CCDC178: variants seen among roughly 807,000 people sequenced by gnomAD.
CCDC178 encodes coiled-coil domain containing 178, also known as coiled-coil domain-containing protein 178.
In CCDC178, 126 loss-of-function variants were observed where a neutral mutation model predicts 117.4. The ratio of observed to expected loss-of-function variants is 1.07; its 90% CI spans 0.93 to 1.24. CCDC178 has a LOEUF of 1.24. CCDC178 is among the 50% of genes most tolerant of loss of function. The pLI is 0.00. For synonymous variants in CCDC178, 283 were observed against 313.4 expected, an observed-to-expected ratio of 0.90 and a Z score of 1.02; for missense variants, 1,030 against 986.9, an observed-to-expected ratio of 1.04 and a Z score of -0.59.
intron 20 of CCDC178, among the ~76,000 whole-genome samples, chr18:33,206,169 A>T (rs1033484401): frequency 2.0e-5 from 3 of 152,156 alleles, no homozygotes; most frequent in African/African-American, 4.8e-5. Flanking sequence ...TACATTCCCT[A>T]AATTGTAACT....
intron 2 of CCDC178, among the ~76,000 whole-genome samples, chr18:33,423,144 C>T (rs557257521): frequency 6.6e-6 from 1 of 152,140 alleles, no homozygotes; most frequent in African/African-American, 2.4e-5. Context: ...ATAAAAATAA[C>T]GTTGTACCCT....
At chr18:33,276,887 G>A (rs916137722) in intron 12 of CCDC178, among the ~76,000 whole-genome samples, 7 of 152,062 alleles carry the variant, frequency 4.6e-5, no homozygotes, top group Non-Finnish European at 1.0e-4. Flanking sequence ...AGGCAGAAAA[G>A]ATTCTTGAGA....
At chr18:33,112,219 C>T (rs2145133595) in intron 20 of CCDC178, among the ~76,000 whole-genome samples, 1 of 151,828 alleles carries the variant, frequency 6.6e-6, no homozygotes, top group Middle Eastern at 3.4e-3. Context: ...CGTAAGATGA[C>T]CCCTCTGACC....
At chr18:33,432,521 T>A (rs1034634043) in intron 2 of CCDC178, among the ~76,000 whole-genome samples, 5 of 137,502 alleles carry the variant, frequency 3.6e-5, no homozygotes, top group African/African-American at 1.1e-4. Context: ...ACACACACAC[T>A]AACTGAATAC....
intron 10 of CCDC178, among the ~76,000 whole-genome samples, chr18:33,327,605 A>C (rs561906910): frequency 6.6e-6 from 1 of 152,256 alleles, no homozygotes; most frequent in South Asian, 2.1e-4. Flanking sequence ...TCTCTAGGGC[A>C]TCCTTGTTAC....
At chr18:33,131,885 T>G (rs1339781594) in intron 20 of CCDC178, among the ~76,000 whole-genome samples, 2 of 151,812 alleles carry the variant, frequency 1.3e-5, no homozygotes, top group Non-Finnish European at 3.0e-5. Context: ...CTAAATACAT[T>G]TTATGCCTCC....
intron 7 of CCDC178, among the ~76,000 whole-genome samples, chr18:33,355,192 T>C (rs1268466058): frequency 3.3e-5 from 5 of 152,222 alleles, no homozygotes; most frequent in African/African-American, 4.8e-5. Flanking sequence ...TTGAATATTT[T>C]AATGTGAAAT....
At position 33,098,568 on chromosome 18, in the gene CCDC178, G is replaced by T. The variant is rs573059237; in HGVS notation, c.2239-5658C>A. On this transcript the variant is annotated intron_variant, in intron 20 of 22. Coordinates refer to ENST00000383096, the MANE Select transcript of CCDC178 (RefSeq NM_001105528.4). ...CTTTCTTTCATCTCACCAGAGCTCT[G>T]CCGGCTCTTGCTACCACATCCATAT... 2.0e-5 allele frequency among the ~76,000 whole-genome samples: 3 copies of T among 152,112 alleles called. No homozygotes were observed. In the East Asian group the frequency reaches 5.8e-4, roughly 30 times the overall value.
chr18:33,240,931 T>C (rs1033959613), intron 15 of CCDC178, among the ~76,000 whole-genome samples: 1 of 151,608 alleles, frequency 6.6e-6, no homozygotes, highest in African/African-American at 2.4e-5. Flanking sequence ...TGTATGAAAA[T>C]AGAGGCAATA....
At chr18:33,203,244 A>G (rs2059013135) in intron 20 of CCDC178, among the ~76,000 whole-genome samples, 1 of 152,182 alleles carries the variant, frequency 6.6e-6, no homozygotes, top group South Asian at 2.1e-4. Context: ...TTTCATTTAT[A>G]GACACTCAAT....
intron 21 of CCDC178, among the ~76,000 whole-genome samples, chr18:32,984,972 A>G (rs959954423): frequency 6.6e-6 from 1 of 151,862 alleles, no homozygotes; most frequent in African/African-American, 2.4e-5. Flanking sequence ...TGGTTGAGCA[A>G]TTTTCTCTGA....
chr18:33,062,146 C>T (rs2056933456), intron 21 of CCDC178, among the ~76,000 whole-genome samples: 2 of 152,052 alleles, frequency 1.3e-5, no homozygotes, highest in African/African-American at 4.8e-5. Context: ...TGTGTGTGGA[C>T]ACTATCTATA....
At chr18:33,216,983 T>C (rs2059173922) in intron 18 of CCDC178, among the ~76,000 whole-genome samples, 1 of 152,056 alleles carries the variant, frequency 6.6e-6, no homozygotes, top group African/African-American at 2.4e-5. Context: ...GATTTCATCA[T>C]TCATTTCTTA....
intron 10 of CCDC178, among the ~76,000 whole-genome samples, chr18:33,325,172 G>A (rs2062567653): frequency 1.3e-5 from 2 of 151,864 alleles, no homozygotes; most frequent in South Asian, 4.1e-4. Context: ...GATTAATATG[G>A]ATGCTTGTGT....
At chr18:33,162,090 C>T (rs1447329130) in intron 20 of CCDC178, among the ~76,000 whole-genome samples, 1 of 152,052 alleles carries the variant, frequency 6.6e-6, no homozygotes, top group Non-Finnish European at 1.5e-5. Flanking sequence ...GGACAGAAAA[C>T]CAAACACCGC....
chr18:33,378,452 T>C (rs780753146), intron 5 of CCDC178, among the ~76,000 whole-genome samples: 2 of 152,170 alleles, frequency 1.3e-5, no homozygotes, highest in Non-Finnish European at 2.9e-5. Context: ...ACCTGATTGC[T>C]ATGGCAAGGA....
chr18:33,017,989 A>G (rs1002426650), intron 21 of CCDC178, among the ~76,000 whole-genome samples: 1 of 152,088 alleles, frequency 6.6e-6, no homozygotes, highest in Non-Finnish European at 1.5e-5. Flanking sequence ...TAAGAAAGTG[A>G]AAATATAACC....
At chr18:33,127,583 C>T (rs28766575) in intron 20 of CCDC178, among the ~76,000 whole-genome samples, 54 of 152,130 alleles carry the variant, frequency 3.5e-4, no homozygotes, top group African/African-American at 1.3e-3. Context: ...TCACAGGTAC[C>T]TGCCACCGCG....
chr18:33,338,813 C>A (rs1032739800), intron 9 of CCDC178, among the ~76,000 whole-genome samples: 1 of 151,884 alleles, frequency 6.6e-6, no homozygotes, highest in Non-Finnish European at 1.5e-5. Context: ...GATAAGTGCA[C>A]CAAAATCTCA....
Sources: gnomAD v4.1 joint callset for allele counts (sites outside exome capture counted in the v4.1 genomes callset) on GRCh38, gnomAD v4.1.1 for gene constraint, MANE v1.5 for transcripts, NCBI Gene and HGNC (gene_info 2026-07-23, HGNC 2026-07-21) for gene names.